SUMF1: variants seen among roughly 807,000 people sequenced by gnomAD.
The protein encoded by SUMF1 is sulfatase modifying factor 1.
A neutral mutation model predicts 47.6 loss-of-function variants in SUMF1; 48 were observed. The observed-to-expected ratio is 1.01, with a 90% confidence interval of 0.80 to 1.28. The LOEUF (loss-of-function observed/expected upper bound fraction) is 1.28. SUMF1 is among the 50% of genes most tolerant of loss of function. The pLI is 0.00. For missense variants in SUMF1, 571 were observed against 485.4 expected (o/e 1.18, Z -1.66); for synonymous variants, 230 against 192.1 (o/e 1.20, Z -1.63).
At chr3:4,313,162 T>A (rs969079617) in intron 8 of SUMF1, 4 of 1,614,050 alleles carry the variant, frequency 2.5e-6, no homozygotes, top group Non-Finnish European at 3.4e-6. Flanking sequence ...ACAGTTCCAC[T>A]TCCAAGTGTT....
intron 8 of SUMF1, among the ~76,000 whole-genome samples, chr3:4,143,986 CTCT>C (rs1694134924): frequency 2.3e-5 from 2 of 86,008 alleles, no homozygotes; most frequent in Admixed American, 1.2e-4. Context: ...TGTCTTCTCT[CTCT>C]TTTTTTTTTT....
At chr3:4,367,104 G>C (rs1005455052) in intron 8 of SUMF1, among the ~76,000 whole-genome samples, 1 of 152,050 alleles carries the variant, frequency 6.6e-6, no homozygotes, top group African/African-American at 2.4e-5. Flanking sequence ...GTACCCGGCC[G>C]TGTGAGGTGT....
chr3:4,321,470 T>TAAAAAAAAAAAAAAA (rs1206478992), intron 8 of SUMF1, among the ~76,000 whole-genome samples: 1 of 63,740 alleles, frequency 1.6e-5, no homozygotes, highest in African/African-American at 5.6e-5. Context: ...AAGGAAATGC[T>TAAAAAAAAAAAAAAA]AAAAAAAAAA....
chr3:4,167,364 C>T (rs932574054), intron 8 of SUMF1, among the ~76,000 whole-genome samples: 3 of 152,122 alleles, frequency 2.0e-5, no homozygotes, highest in African/African-American at 7.2e-5. Flanking sequence ...CCAATCCTCC[C>T]TGTGACTGGC....
chr3:4,224,601 C>G (rs1696135387), intron 8 of SUMF1, among the ~76,000 whole-genome samples: 1 of 151,908 alleles, frequency 6.6e-6, no homozygotes, highest in Non-Finnish European at 1.5e-5. Flanking sequence ...AGGATGGGCT[C>G]CTGCCACAAT....
chr3:4,198,574 C>A (rs1049721000), intron 8 of SUMF1, among the ~76,000 whole-genome samples: 1 of 152,134 alleles, frequency 6.6e-6, no homozygotes, highest in Non-Finnish European at 1.5e-5. Flanking sequence ...TGTAAACCCA[C>A]AACTGTAGCC....
intron 7 of SUMF1, among the ~76,000 whole-genome samples, chr3:4,397,358 CTG>C (rs1464127845): frequency 1.3e-5 from 2 of 152,174 alleles, no homozygotes; most frequent in East Asian, 1.9e-4. Flanking sequence ...CTTAGAATAA[CTG>C]TATAAAACTG....
At chr3:4,260,552 C>A (rs746200056) in intron 8 of SUMF1, among the ~76,000 whole-genome samples, 6 of 152,066 alleles carry the variant, frequency 3.9e-5, no homozygotes, top group Non-Finnish European at 7.4e-5. Flanking sequence ...CTGGGCATAA[C>A]GTAGATCATT....
At chr3:4,336,187 T>C (rs1388284535) in intron 8 of SUMF1, among the ~76,000 whole-genome samples, 1 of 152,012 alleles carries the variant, frequency 6.6e-6, no homozygotes, top group Non-Finnish European at 1.5e-5. Context: ...CTTTGACCTA[T>C]GATTTTTCCA....
intron 9 of SUMF1, among the ~76,000 whole-genome samples, chr3:4,047,327 T>G (rs1167974787): frequency 4.6e-5 from 7 of 152,168 alleles, no homozygotes; most frequent in Non-Finnish European, 7.4e-5. Context: ...ACTTCTTTAT[T>G]TCACTGCTAT....
chr3:4,167,894 G>A (rs1247839344), intron 8 of SUMF1, among the ~76,000 whole-genome samples: 1 of 152,180 alleles, frequency 6.6e-6, no homozygotes, highest in Non-Finnish European at 1.5e-5. Flanking sequence ...TTTAGATATA[G>A]GAGGAAGATA....
intron 8 of SUMF1, among the ~76,000 whole-genome samples, chr3:4,082,039 T>C (rs1228652903): frequency 1.3e-5 from 2 of 152,126 alleles, no homozygotes; most frequent in Admixed American, 6.6e-5. Context: ...TTCAAACAAG[T>C]AGTTTGGAAT....
intron 3 of SUMF1, among the ~76,000 whole-genome samples, chr3:4,445,818 T>G (rs1405448082): frequency 1.3e-5 from 2 of 152,208 alleles, no homozygotes; most frequent in African/African-American, 4.8e-5. Flanking sequence ...AATGCTCAAT[T>G]TTCCAGCTGT....
intron 8 of SUMF1, among the ~76,000 whole-genome samples, chr3:4,311,576 C>T (rs1698405602): frequency 6.6e-6 from 1 of 152,196 alleles, no homozygotes; most frequent in South Asian, 2.1e-4. Flanking sequence ...AAAGTCAATG[C>T]CACTTCTGAA....
intron 1 of SUMF1, among the ~76,000 whole-genome samples, chr3:4,465,614 C>T (rs190824809): frequency 4.6e-5 from 7 of 151,972 alleles, no homozygotes; most frequent in Admixed American, 2.0e-4. Context: ...AAAAGATAAA[C>T]AGTACTGCAG....
chr3:4,323,902 T>C (rs145624430), intron 8 of SUMF1, among the ~76,000 whole-genome samples: 5 of 152,300 alleles, frequency 3.3e-5, no homozygotes, highest in South Asian at 4.1e-4. Flanking sequence ...TCAGCATAAA[T>C]GTAACAGATT....
At chr3:4,337,144 G>C (rs1699169085) in intron 8 of SUMF1, among the ~76,000 whole-genome samples, 1 of 152,108 alleles carries the variant, frequency 6.6e-6, no homozygotes, top group Non-Finnish European at 1.5e-5. Flanking sequence ...AAAACAACAA[G>C]AGAGCCAGCA....
intron 3 of SUMF1, among the ~76,000 whole-genome samples, chr3:4,424,499 G>A (rs1383546711): frequency 1.3e-5 from 2 of 152,152 alleles, no homozygotes; most frequent in Admixed American, 6.5e-5. Flanking sequence ...TTGACCAAAG[G>A]CCGCAACCTA....
rs145599323 is a variant in SUMF1 at position 4,195,938 on chromosome 3, A to C, written c.1015-127193T>G. ...TCTGAATTGCACTAAGATTACAAGGAAACAGTATGGTGGGAAAGAATGGCT... is the reference window on the plus strand; with the variant it reads ...TCTGAATTGCACTAAGATTACAAGGCAACAGTATGGTGGGAAAGAATGGCT... On this transcript the variant is annotated intron_variant and NMD_transcript_variant, in intron 8 of 12. Coordinates refer to the SUMF1 transcript ENST00000448413. Among the ~76,000 whole-genome samples the C allele has an allele frequency of 2.0e-5, 3 of 152,244 alleles. No homozygotes were observed. In the East Asian group the frequency reaches 5.8e-4, roughly 29 times the overall value.
Sources: gnomAD v4.1 joint callset for allele counts (sites outside exome capture counted in the v4.1 genomes callset) on GRCh38, gnomAD v4.1.1 for gene constraint, MANE v1.5 for transcripts, NCBI Gene and HGNC (gene_info 2026-07-23, HGNC 2026-07-21) for gene names.